Variants in GARRE1 observed in about 807,000 individuals in gnomAD.
GARRE1 encodes granule associated Rac and RHOG effector protein 1.
A neutral mutation model predicts 103.2 loss-of-function variants in GARRE1; 49 were observed. The ratio of observed to expected loss-of-function variants is 0.47; its 90% CI spans 0.38 to 0.60. GARRE1 has a LOEUF of 0.60. Among genes scored for constraint, GARRE1 ranks in the 20% least tolerant of loss-of-function variants. The probability of loss-of-function intolerance (pLI) is 0.00; values close to 1 mark genes in which losing one functional copy is unlikely to be tolerated. For missense variants in GARRE1, 1,199 were observed against 1,370.5 expected, an observed-to-expected ratio of 0.87 and a Z score of 1.98; for synonymous variants, 505 against 532.8, an observed-to-expected ratio of 0.95 and a Z score of 0.72.
chr19:34,353,212 C>T lies in GARRE1; in HGVS notation c.*257C>T. ...TGGCCTTCAGGGGCTTGCTAGGGAA[C>T]CTGCATGCCTAGTAAGCGCCACAGG... On this transcript the variant is annotated 3_prime_UTR_variant, in exon 14 of 14. Coordinates refer to ENST00000299505, the MANE Select transcript of GARRE1 (RefSeq NM_014686.5). 1 of 485,738 alleles carries T rather than the reference C, an allele frequency of 2.1e-6. No homozygotes were observed. The highest frequency in any genetic ancestry group is 3.6e-6 in the Non-Finnish European group (1 of 274,836). The allele number at this position is 485,738 out of a possible 1,614,324, so 30.1% of individuals were successfully genotyped here. A position where few individuals can be genotyped will look rare whatever the true frequency, so the allele number is the denominator to read the frequency against.
chr19:34,266,893 T>C (rs1403608526), intron 1 of GARRE1, among the ~76,000 whole-genome samples: 1 of 152,154 alleles, frequency 6.6e-6, no homozygotes, highest in Non-Finnish European at 1.5e-5. Context: ...AATACTTGTT[T>C]TTTTTTCCTC....
intron 1 of GARRE1, chr19:34,296,412 C>T (rs749302103): frequency 2.6e-5 from 40 of 1,566,658 alleles, no homozygotes; most frequent in Non-Finnish European, 3.1e-5. Context: ...CTTGGCAGTG[C>T]GGGCACGAGC....
Position 34,347,975 on chromosome 19 carries a change from C to G in GARRE1, c.2620C>G (p.Arg874Gly), listed in dbSNP as rs745627756. The change falls in exon 11 of 14, where the codon CGG (arginine) becomes GGG (glycine). Residue 874 changes from arginine to glycine, a missense_variant. Transcript: ENST00000299505. ...GCACGGTCGCCGGCCAGGCAACCCCCGGGGCAACTGGCCGCCTATGGATGA... is the reference window on the plus strand; with the variant it reads ...GCACGGTCGCCGGCCAGGCAACCCCGGGGGCAACTGGCCGCCTATGGATGA... ...AQHGRRPGNP[R>G]GNWPPMDDAH... 186 of 1,584,726 alleles carry G rather than the reference C, an allele frequency of 1.2e-4. No individual in the cohort carries two copies. The highest frequency in any genetic ancestry group is 1.6e-4 in the Non-Finnish European group (183 of 1,163,792).
intron 7 of GARRE1, among the ~76,000 whole-genome samples, chr19:34,330,863 T>C: frequency 6.6e-6 from 1 of 150,976 alleles, no homozygotes. Context: ...GCCTCCCAAG[T>C]AGCTGAGATG....
chr19:34,302,851 TCTC>T (rs1180050615), intron 2 of GARRE1, among the ~76,000 whole-genome samples: 1 of 151,556 alleles, frequency 6.6e-6, no homozygotes. Flanking sequence ...TTCTAGCAGT[TCTC>T]CTGCCTCAGC....
rs185188344 is a variant in GARRE1 at position 34,307,277 on chromosome 19, G to A, written c.495+6309G>A. Among the ~76,000 whole-genome samples, 119 of 152,162 alleles carry A rather than the reference G, an allele frequency of 7.8e-4. 1 individual carries two copies. Among genetic ancestry groups the A allele is most frequent in the South Asian group, 2.3e-3 (11 of 4,826 alleles). On this transcript the variant is annotated intron_variant, in intron 2 of 13. Transcript: ENST00000299505. Reference sequence around the variant, plus strand: ...CTGCCATTCTTTTGTAGTGAGCAGCGATGCCACTTCTCCCCTTGCCTTCTT... The same window carrying A: ...CTGCCATTCTTTTGTAGTGAGCAGCAATGCCACTTCTCCCCTTGCCTTCTT...
chr19:34,334,554 C>T (rs902273707), intron 8 of GARRE1, among the ~76,000 whole-genome samples: 2 of 151,830 alleles, frequency 1.3e-5, no homozygotes, highest in Non-Finnish European at 2.9e-5. Context: ...CAAAAACTAT[C>T]CAGGCATGGT....
chr19:34,295,111 A>G (rs1476164413), intron 1 of GARRE1, among the ~76,000 whole-genome samples: 4 of 152,220 alleles, frequency 2.6e-5, no homozygotes, highest in Non-Finnish European at 5.9e-5. Flanking sequence ...CAGACAGGTT[A>G]AATAATGCCA....
chr19:34,298,105 ACCACC>A (rs568514629), intron 1 of GARRE1, among the ~76,000 whole-genome samples: 165 of 152,306 alleles, frequency 1.1e-3, no homozygotes, highest in East Asian at 3.9e-3. Context: ...GAAACTATAT[ACCACC>A]ATTACATAGG....
chr19:34,304,715 T>G (rs2073999448), intron 2 of GARRE1, among the ~76,000 whole-genome samples: 1 of 152,016 alleles, frequency 6.6e-6, no homozygotes, highest in Non-Finnish European at 1.5e-5. Context: ...GATCATATTT[T>G]ATACCCAGGG....
At chr19:34,275,168 G>T (rs372257487) in intron 1 of GARRE1, among the ~76,000 whole-genome samples, 4 of 144,900 alleles carry the variant, frequency 2.8e-5, no homozygotes, top group Non-Finnish European at 3.0e-5. Context: ...CATTTTCTGT[G>T]TTTTTTTTTT....
rs1044212894 is a variant in GARRE1 at position 34,283,224 on chromosome 19, G to C, written c.-795-16455G>C. On this transcript the variant is annotated intron_variant, in intron 1 of 13. Transcript: ENST00000299505. ...AATCATAGCTATCAATCTTTAGTCA[G>C]ATGGGAAAACTTAATTAATTAATTC... 4.6e-5 allele frequency among the ~76,000 whole-genome samples: 7 copies of C among 152,172 alleles called. No individual in the cohort carries two copies. In the South Asian group the frequency reaches 6.2e-4, roughly 13 times the overall value.
At chr19:34,268,243 GA>G (rs1245730415) in intron 1 of GARRE1, among the ~76,000 whole-genome samples, 1 of 152,196 alleles carries the variant, frequency 6.6e-6, no homozygotes, top group Non-Finnish European at 1.5e-5. Context: ...GTTGATAGAT[GA>G]AACCTTCCTT....
At chr19:34,339,796 C>T in intron 8 of GARRE1, 71 bp from the exon 9 acceptor site, 2 of 1,596,084 alleles carry the variant, frequency 1.3e-6, no homozygotes, top group Non-Finnish European at 1.7e-6. Flanking sequence ...GTAGCCTTTT[C>T]TATGAGACCT....
chr19:34,341,635 C>T lies in GARRE1; in HGVS notation c.1701C>T (p.Asn567=), dbSNP rs1464793236. 6.2e-7 allele frequency: 1 copy of T among 1,614,194 alleles called. No homozygotes were observed. Among genetic ancestry groups the T allele is most frequent in the Non-Finnish European group, 8.5e-7 (1 of 1,180,036 alleles). Residue 567 remains asparagine, a synonymous_variant, in exon 10 of 14, where the codon AAC becomes AAT. Transcript: ENST00000299505. ...NYSIQNTPSK[N]IFIAGCSEEK... The stretch of plus-strand genomic sequence containing the variant: ...CCATCCAAAATACCCCTTCCAAAAA[C>T]ATCTTCATAGCTGGATGTTCCGAAG...
rs1170318584 is a variant in GARRE1 at position 34,300,144 on chromosome 19, G to GTA, written c.-328_-327dup. ...TATTTTTCTGCCATTGTAAATACAA[G>GTA]TATCAAAATATTCTTGCAAAGAAGT... is the stretch of plus-strand genomic sequence containing the variant. On this transcript the variant is annotated 5_prime_UTR_variant, in exon 2 of 14. Coordinates refer to ENST00000299505, the MANE Select transcript of GARRE1 (RefSeq NM_014686.5). 1 of 253,678 alleles carries GTA rather than the reference G, an allele frequency of 3.9e-6. No individual in the cohort carries two copies. The highest frequency in any genetic ancestry group is 2.2e-5 in the African/African-American group (1 of 45,080). 15.7% of individuals were successfully genotyped at this position (253,678 alleles called of 1,614,324 possible). A position where few individuals can be genotyped will look rare whatever the true frequency, so the allele number is the denominator to read the frequency against.
At chr19:34,321,477 C>T (rs1384478063) in intron 3 of GARRE1, among the ~76,000 whole-genome samples, 3 of 150,626 alleles carry the variant, frequency 2.0e-5, no homozygotes, top group South Asian at 2.1e-4. Context: ...TTTTTTGAGA[C>T]GGGGTCTCAC....
At chr19:34,335,527 A>G (rs957593032) in intron 8 of GARRE1, among the ~76,000 whole-genome samples, 6 of 152,124 alleles carry the variant, frequency 3.9e-5, no homozygotes, top group African/African-American at 1.4e-4. Context: ...TATTTAAACC[A>G]TTTGTTCTTT....
intron 1 of GARRE1, among the ~76,000 whole-genome samples, chr19:34,256,925 C>A (rs866601526): frequency 1.6e-4 from 25 of 151,804 alleles, no homozygotes; most frequent in African/African-American, 5.6e-4. Flanking sequence ...AGTTTATTGC[C>A]GTTTCATTTG....
Sources: allele counts gnomAD v4.1 joint callset (sites outside exome capture counted in the v4.1 genomes callset), GRCh38; gene constraint gnomAD v4.1.1; transcripts MANE v1.5; gene names NCBI Gene and HGNC (gene_info 2026-07-23, HGNC 2026-07-21).